Variants in NFE2L3 observed in about 807,000 individuals in gnomAD.
NFE2L3 encodes nuclear factor erythroid 2-related factor 3.
In NFE2L3, 18 loss-of-function variants were observed where a neutral mutation model predicts 23.5. That is an observed-to-expected ratio of 0.77 (90% CI 0.53 to 1.13). The LOEUF (loss-of-function observed/expected upper bound fraction) is 1.13. Ranked by LOEUF, NFE2L3 falls within the 50% of genes most tolerant of loss-of-function variation. NFE2L3 has a pLI of 0.00. For missense variants in NFE2L3, 1,152 were observed against 877.2 expected, an observed-to-expected ratio of 1.31 and a Z score of -3.96; for synonymous variants, 424 against 354.5, an observed-to-expected ratio of 1.20 and a Z score of -2.20.
intron 1 of NFE2L3, among the ~76,000 whole-genome samples, chr7:26,168,079 CCTCT>C (rs1189856354): frequency 6.9e-6 from 1 of 144,552 alleles, no homozygotes; most frequent in Non-Finnish European, 1.5e-5. Context: ...CCCTCACCCC[CCTCT>C]CTCCCTTCCT....
intron 1 of NFE2L3, among the ~76,000 whole-genome samples, chr7:26,165,440 G>GCT (rs915723217): frequency 4.6e-5 from 7 of 151,894 alleles, no homozygotes; most frequent in African/African-American, 7.3e-5. Flanking sequence ...TCATGATTTG[G>GCT]CTCTGTTTGT....
At chr7:26,184,327 G>T in intron 3 of NFE2L3, 2 of 527,956 alleles carry the variant, frequency 3.8e-6, no homozygotes, top group South Asian at 2.8e-5. Context: ...TTAATTTCTA[G>T]GTTACTCAGA....
chr7:26,184,223 AGG>A, intron 3 of NFE2L3: 2 of 359,080 alleles, frequency 5.6e-6, no homozygotes, highest in South Asian at 3.8e-5. Context: ...ACCAACCGCT[AGG>A]ATGAGTTGCA....
intron 1 of NFE2L3, among the ~76,000 whole-genome samples, chr7:26,176,892 C>T (rs1258049731): frequency 1.6e-5 from 2 of 123,448 alleles, no homozygotes; most frequent in African/African-American, 3.1e-5. Context: ...ACGGGGCGGC[C>T]GGGCAGAGGC....
Position 26,152,816 on chromosome 7 carries a change from C to T in NFE2L3, c.318C>T (p.Thr106=). The change falls in exon 1 of 4, where the codon ACC becomes ACT. Residue 106 remains threonine (T), a synonymous_variant. Transcript: ENST00000056233. The surrounding 1 kb of genome is among the most constrained non-coding windows in gnomAD (Gnocchi z 4.4). ...TCGGGGTCCCCTTCGTCCCTCGCACCAGCGTGGATGCATGGCTGGTGCACA... is the reference window on the plus strand; with the variant it reads ...TCGGGGTCCCCTTCGTCCCTCGCACTAGCGTGGATGCATGGCTGGTGCACA... ...RALGVPFVPR[T]SVDAWLVHSV... 11 of 1,487,366 alleles carry T rather than the reference C, an allele frequency of 7.4e-6. No individual in the cohort carries two copies. Among genetic ancestry groups the T allele is most frequent in the Non-Finnish European group, 9.8e-6 (11 of 1,126,586 alleles). The allele number at this position is 1,487,366 out of a possible 1,614,324, so 92.1% of individuals were successfully genotyped here. A position where few individuals can be genotyped will look rare whatever the true frequency, so the allele number is the denominator to read the frequency against.
At chr7:26,168,129 T>C (rs1784277959) in intron 1 of NFE2L3, among the ~76,000 whole-genome samples, 1 of 145,332 alleles carries the variant, frequency 6.9e-6, no homozygotes, top group South Asian at 2.3e-4. Flanking sequence ...ATTGTGTCAT[T>C]CTTGTCTTTT....
At chr7:26,176,093 T>C (rs1453280398) in intron 1 of NFE2L3, among the ~76,000 whole-genome samples, 1 of 151,824 alleles carries the variant, frequency 6.6e-6, no homozygotes, top group East Asian at 1.9e-4. Flanking sequence ...AAGCATCTGT[T>C]TAACAAAGCA....
intron 1 of NFE2L3, among the ~76,000 whole-genome samples, chr7:26,160,948 GTATGTT>G (rs1562669511): frequency 1.3e-5 from 2 of 152,218 alleles, no homozygotes; most frequent in African/African-American, 4.8e-5. Flanking sequence ...AAATGACACT[GTATGTT>G]TAAGGGCTGG....
rs1181345644 is a variant in NFE2L3, at chr7:26,183,738, A to G, written c.788A>G (p.Glu263Gly). 2 of 1,612,836 alleles carry G rather than the reference A, an allele frequency of 1.2e-6. No homozygotes were observed. Among genetic ancestry groups the G allele is most frequent in the Admixed American group, 1.7e-5 (1 of 60,020 alleles). ...GGGACAGATACTTCTTTCTCTCTGGAAGACTTATTCCAGTTGCTTTCATCA... is the reference window on the plus strand; with the variant it reads ...GGGACAGATACTTCTTTCTCTCTGGGAGACTTATTCCAGTTGCTTTCATCA... ...LNGTDTSFSL[E>G]DLFQLLSSQP... is the part of the protein sequence containing the mutation. Residue 263 changes from glutamate to glycine, a missense_variant, in exon 3 of 4, where the codon GAA (glutamate) becomes GGA (glycine). Glu to Gly is a moderately conservative substitution (Grantham distance 98). Coordinates refer to ENST00000056233, the MANE Select transcript of NFE2L3 (RefSeq NM_004289.7).
At chr7:26,154,208 G>A (rs921861959) in intron 1 of NFE2L3, among the ~76,000 whole-genome samples, 36 of 152,290 alleles carry the variant, frequency 2.4e-4, no homozygotes, top group Middle Eastern at 3.4e-3. Flanking sequence ...GTGGGGGCCA[G>A]TGAGAGTCTT....
chr7:26,171,458 C>T (rs1308634000), intron 1 of NFE2L3, among the ~76,000 whole-genome samples: 1 of 151,624 alleles, frequency 6.6e-6, no homozygotes. Context: ...GCAGGAGAAT[C>T]GCTGGAACCC....
At position 26,187,093 on chromosome 7, in the gene NFE2L3, G is replaced by T. The variant is rs756304644; in HGVS notation, c.*1310G>T. On this transcript the variant is annotated 3_prime_UTR_variant, in exon 4 of 4. Transcript: ENST00000056233. ...GAAATGCAGTTTATATATACCGTTG[G>T]ATTTTTATAATAAAGTTTCCCAAGA... 6.6e-6 allele frequency: 1 copy of T among 152,134 alleles called. No homozygotes were observed. The highest frequency in any genetic ancestry group is 1.9e-4 in the East Asian group (1 of 5,200). 9.4% of individuals were successfully genotyped at this position (152,134 alleles called of 1,614,324 possible). A position where few individuals can be genotyped will look rare whatever the true frequency, so the allele number is the denominator to read the frequency against.
intron 1 of NFE2L3, among the ~76,000 whole-genome samples, chr7:26,166,634 C>T (rs1427816142): frequency 6.6e-6 from 1 of 152,202 alleles, no homozygotes; most frequent in Non-Finnish European, 1.5e-5. Flanking sequence ...AGATAATGTA[C>T]ATAGGGCCTG....
intron 1 of NFE2L3, among the ~76,000 whole-genome samples, chr7:26,164,281 A>G (rs898304789): frequency 2.6e-5 from 4 of 152,162 alleles, no homozygotes; most frequent in African/African-American, 9.7e-5. Context: ...CAACAGTGTA[A>G]AAGTGTTCCT....
Position 26,184,597 on chromosome 7 carries a change from A to G in NFE2L3, c.899A>G (p.His300Arg), listed in dbSNP as rs1562679967. Residue 300 changes from histidine (H) to arginine (R), a missense_variant, in exon 4 of 4, where the codon CAT becomes CGT. By Grantham distance (29) the His-to-Arg change is conservative. Transcript: ENST00000056233. ...SISDGMNSSA[H>R]YHVNFSQAIS... Reference sequence around the variant, plus strand: ...AGTGATGGCATGAATTCTTCAGCACATTATCATGTAAACTTCAGCCAGGCT... The same window carrying G: ...AGTGATGGCATGAATTCTTCAGCACGTTATCATGTAAACTTCAGCCAGGCT... The G allele has an allele frequency of 5.6e-6, 9 of 1,613,770 alleles. No homozygotes were observed. Among genetic ancestry groups the G allele is most frequent in the South Asian group, 1.1e-5 (1 of 91,078 alleles).
Position 26,153,003 on chromosome 7 carries a change from G to A in NFE2L3, c.505G>A (p.Glu169Lys). Residue 169 changes from glutamate to lysine, a missense_variant, in exon 1 of 4, where the codon GAA (glutamate) becomes AAA (lysine). Physicochemically the swap from Glu to Lys is moderately conservative, Grantham distance 56. Transcript: ENST00000056233. ...AARSGPLDAG[E>K]EEKAPAEPTA... is the part of the protein sequence containing the mutation. The stretch of plus-strand genomic sequence containing the variant: ...TCGGAGTGGCCCCTTGGACGCCGGG[G>A]AAGAGGAGAAGGCACCCGCGGAACC... 1.3e-6 allele frequency: 2 copies of A among 1,522,712 alleles called. No homozygotes were observed. Among genetic ancestry groups the A allele is most frequent in the Non-Finnish European group, 1.8e-6 (2 of 1,140,100 alleles). 94.3% of individuals were successfully genotyped at this position (1,522,712 alleles called of 1,614,324 possible). A position where few individuals can be genotyped will look rare whatever the true frequency, so the allele number is the denominator to read the frequency against.
In NFE2L3 at chr7:26,183,726, C is replaced by T. The variant is rs370809004; in HGVS notation, c.776C>T (p.Ser259Phe). Residue 259 changes from serine to phenylalanine, a missense_variant, in exon 3 of 4, where the codon TCT becomes TTT. Physicochemically the swap from Ser to Phe is radical, Grantham distance 155 (BLOSUM62 -2). Transcript: ENST00000056233. ...AGACATCTGAATGGGACAGATACTT[C>T]TTTCTCTCTGGAAGACTTATTCCAG... is the stretch of plus-strand genomic sequence containing the variant. ...NERHLNGTDT[S>F]FSLEDLFQLL... 9 of 1,612,684 alleles carry T rather than the reference C, an allele frequency of 5.6e-6. No homozygotes were observed. Among genetic ancestry groups the T allele is most frequent in the Admixed American group, 5.0e-5 (3 of 60,024 alleles).
intron 1 of NFE2L3, among the ~76,000 whole-genome samples, chr7:26,171,052 T>C (rs1257698961): frequency 6.6e-6 from 1 of 152,176 alleles, no homozygotes; most frequent in Non-Finnish European, 1.5e-5. Context: ...CTTTTATCCA[T>C]TGTTGGTAGG....
intron 1 of NFE2L3, among the ~76,000 whole-genome samples, chr7:26,166,137 G>T (rs1344860227): frequency 1.7e-4 from 6 of 35,072 alleles, no homozygotes; most frequent in African/African-American, 9.4e-4. Context: ...CGGGTGGGGC[G>T]GGGGGGAAAG....
Sources: gnomAD v4.1 joint callset for allele counts (sites outside exome capture counted in the v4.1 genomes callset) on GRCh38, gnomAD v4.1.1 for gene constraint, Gnocchi (gnomAD v3.1) non-coding constraint, MANE v1.5 for transcripts, NCBI Gene and HGNC (gene_info 2026-07-23, HGNC 2026-07-21) for gene names.